Variants in KLHL22 observed in about 807,000 individuals in gnomAD.
KLHL22 encodes the protein kelch-like protein 22.
KLHL22 carries 18 observed loss-of-function variants against 60.7 expected under a neutral mutation model. That is an observed-to-expected ratio of 0.30 (90% CI 0.20 to 0.44). KLHL22 has a LOEUF of 0.44. Among genes scored for constraint, KLHL22 ranks in the 20% least tolerant of loss-of-function variants. The probability of loss-of-function intolerance (pLI) is 1.00; values close to 1 mark genes in which losing one functional copy is unlikely to be tolerated. For synonymous variants in KLHL22, 355 were observed against 354.5 expected (o/e 1.00, Z -0.01); for missense variants, 596 against 852.3 (o/e 0.70, Z 3.74).
In KLHL22 at chr22:20,441,940, G is replaced by A. The variant is rs148437012; in HGVS notation, c.*133C>T. On this transcript the variant is annotated 3_prime_UTR_variant, in exon 7 of 7. Transcript: ENST00000328879. ...GCCAAGGGGCTGGTGTGAAGAAAGA[G>A]GGCAGGGCCCATAAGCTGTGGCCAA... 2.2e-6 allele frequency: 2 copies of A among 892,448 alleles called. No homozygotes were observed. Among genetic ancestry groups the A allele is most frequent in the South Asian group, 2.7e-5 (1 of 37,128 alleles). 55.3% of individuals were successfully genotyped at this position (892,448 alleles called of 1,614,324 possible).
chr22:20,484,904 T>C (rs2053561855), intron 2 of KLHL22, among the ~76,000 whole-genome samples: 1 of 151,930 alleles, frequency 6.6e-6, no homozygotes, highest in South Asian at 2.1e-4. Context: ...CCCAGCTAAT[T>C]AAAAAAAATT....
intron 5 of KLHL22, chr22:20,450,981 CT>C: frequency 6.3e-7 from 1 of 1,578,034 alleles, no homozygotes. Flanking sequence ...TGGCTGGGGG[CT>C]TCGGAAGCCA....
chr22:20,451,360 G>A (rs2052975198), intron 5 of KLHL22: 1 of 1,611,844 alleles, frequency 6.2e-7, no homozygotes, highest in Non-Finnish European at 8.5e-7. Context: ...TATGCAGACA[G>A]CCCGGGAAGG....
chr22:20,471,096 G>A (rs572258535), intron 3 of KLHL22, among the ~76,000 whole-genome samples: 1 of 152,328 alleles, frequency 6.6e-6, no homozygotes, highest in Admixed American at 6.5e-5. Flanking sequence ...ATGACAGGGA[G>A]ACTCAGACAG....
At chr22:20,493,624 A>G (rs952562739) in intron 1 of KLHL22, among the ~76,000 whole-genome samples, 1 of 152,174 alleles carries the variant, frequency 6.6e-6, no homozygotes, top group Non-Finnish European at 1.5e-5. Flanking sequence ...TACTAAAAAT[A>G]CAAAAAAATT....
intron 5 of KLHL22, among the ~76,000 whole-genome samples, chr22:20,455,999 C>T (rs2146194597): frequency 6.6e-6 from 1 of 152,340 alleles, no homozygotes; most frequent in African/African-American, 2.4e-5. Flanking sequence ...AATAAACTGC[C>T]TTACACTTAT....
chr22:20,489,047 C>T lies in KLHL22; in HGVS notation c.165G>A (p.Val55=). 1 of 1,614,114 alleles carries T rather than the reference C, an allele frequency of 6.2e-7. No individual in the cohort carries two copies. The highest frequency in any genetic ancestry group is 8.5e-7 in the Non-Finnish European group (1 of 1,180,038). ...DSGILFDVVL[V]VEGRHIEAHR... ...GGGCCTCGATGTGTCTGCCCTCCACCACCAGCACAACATCGAAGAGGATTC... is the reference window on the plus strand; with the variant it reads ...GGGCCTCGATGTGTCTGCCCTCCACTACCAGCACAACATCGAAGAGGATTC... The change falls in exon 2 of 7, where the codon GTG becomes GTA. Residue 55 remains valine, a synonymous_variant. Transcript: ENST00000328879.
chr22:20,461,550 C>CAAA (rs362095), intron 4 of KLHL22, among the ~76,000 whole-genome samples: 3 of 64,782 alleles, frequency 4.6e-5, no homozygotes, highest in African/African-American at 6.7e-5. Flanking sequence ...GACTCCAACT[C>CAAA]AAAAAAAAAA....
At chr22:20,471,764 G>A (rs973708916) in intron 2 of KLHL22, among the ~76,000 whole-genome samples, 1 of 152,190 alleles carries the variant, frequency 6.6e-6, no homozygotes, top group African/African-American at 2.4e-5. Flanking sequence ...GGAGTCCCAT[G>A]TGAGCTTCGG....
intron 1 of KLHL22, among the ~76,000 whole-genome samples, chr22:20,490,923 C>A (rs2053677362): frequency 1.3e-5 from 2 of 152,162 alleles, no homozygotes; most frequent in Non-Finnish European, 2.9e-5. Flanking sequence ...TGCTCTAATT[C>A]AACTCTAACA....
chr22:20,463,431 AC>A (rs1422821018), intron 4 of KLHL22, among the ~76,000 whole-genome samples: 1 of 152,066 alleles, frequency 6.6e-6, no homozygotes, highest in Non-Finnish European at 1.5e-5. Flanking sequence ...CCAAGCTGTC[AC>A]CCCCCTAGGG....
chr22:20,481,981 G>A (rs1472358249), intron 2 of KLHL22: 1 of 152,116 alleles, frequency 6.6e-6, no homozygotes, highest in Non-Finnish European at 1.5e-5. Flanking sequence ...GCAGTGACAT[G>A]ATCCCACTAC....
rs1197255153 is a variant in KLHL22 at position 20,482,687 on chromosome 22, C to T, written c.227+6298G>A. 1.1e-4 allele frequency: 62 copies of T among 559,270 alleles called. No individual in the cohort carries two copies. In the South Asian group the frequency reaches 1.2e-3, roughly 11 times the overall value. The allele number at this position is 559,270 out of a possible 1,614,324, so 34.6% of individuals were successfully genotyped here. The stretch of plus-strand genomic sequence containing the variant: ...TCCCAGGTTCAAGCGGTACTTCTGC[C>T]TCAGCCTCCCAAGTAGCTGGGATTA... On this transcript the variant is annotated intron_variant, in intron 2 of 6. Transcript: ENST00000328879.
intron 5 of KLHL22, chr22:20,450,910 C>A: frequency 6.2e-7 from 1 of 1,612,678 alleles, no homozygotes; most frequent in African/African-American, 1.3e-5. Flanking sequence ...GCCTGAACTT[C>A]AGAGTCAGAT....
chr22:20,486,076 G>C (rs372038166), intron 2 of KLHL22, among the ~76,000 whole-genome samples: 1 of 145,430 alleles, frequency 6.9e-6, no homozygotes, highest in East Asian at 2.1e-4. Flanking sequence ...GCTGAGGCAG[G>C]AGAATTGCTT....
chr22:20,444,344 C>A (rs909029224), intron 6 of KLHL22, among the ~76,000 whole-genome samples: 2 of 152,186 alleles, frequency 1.3e-5, no homozygotes, highest in Admixed American at 1.3e-4. Flanking sequence ...TGGCAAGGCC[C>A]ATGTCAGAGG....
chr22:20,483,753 T>G (rs371777420), intron 2 of KLHL22: 1 of 737,676 alleles, frequency 1.4e-6, no homozygotes, highest in African/African-American at 1.7e-5. Flanking sequence ...GGGTCCCTTC[T>G]TCTCCAAGTG....
chr22:20,488,854 G>A, intron 2 of KLHL22, 131 bp downstream of exon 2: 1 of 799,778 alleles, frequency 1.3e-6, no homozygotes, highest in Admixed American at 2.4e-5. Context: ...TGTTGACTAA[G>A]TCATAGCCAC....
chr22:20,467,156 C>G (rs1393996666), intron 3 of KLHL22, among the ~76,000 whole-genome samples: 1 of 152,218 alleles, frequency 6.6e-6, no homozygotes, highest in Non-Finnish European at 1.5e-5. Context: ...GTACCTTGAC[C>G]TCTCTGTGAC....
Sources: allele counts gnomAD v4.1 joint callset (sites outside exome capture counted in the v4.1 genomes callset), GRCh38; gene constraint gnomAD v4.1.1; transcripts MANE v1.5; gene names NCBI Gene and HGNC (gene_info 2026-07-23, HGNC 2026-07-21).